The following ADGRL3 variants were observed in gnomAD, a reference collection of about 807,000 sequenced individuals.
The protein encoded by ADGRL3 is adhesion G protein-coupled receptor L3.
Under a neutral mutation model 153.5 loss-of-function variants are expected in ADGRL3, and 62 were observed. The observed-to-expected ratio is 0.40, with a 90% confidence interval of 0.33 to 0.50. ADGRL3 has a LOEUF of 0.50. ADGRL3 is among the 20% of genes least tolerant of loss of function. ADGRL3 has a pLI of 0.47. For synonymous variants in ADGRL3, 710 were observed against 672.5 expected, an observed-to-expected ratio of 1.06 and a Z score of -0.86; for missense variants, 1,641 against 1,859.4, an observed-to-expected ratio of 0.88 and a Z score of 2.16.
chr4:61,456,388 T>G (rs1268344634), intron 2 of ADGRL3, among the ~76,000 whole-genome samples: 4,871 of 112,132 alleles, frequency 0.043, 379 homozygotes, highest in Non-Finnish European at 0.07. Context: ...TATATATATA[T>G]AGATATATCT....
intron 8 of ADGRL3, among the ~76,000 whole-genome samples, chr4:61,804,340 A>C (rs1275647806): frequency 6.6e-6 from 1 of 152,130 alleles, no homozygotes; most frequent in Non-Finnish European, 1.5e-5. Context: ...CATCCTCCTG[A>C]CAGATCCTCT....
intron 2 of ADGRL3, among the ~76,000 whole-genome samples, chr4:61,430,789 A>C (rs2097347197): frequency 6.6e-6 from 1 of 152,178 alleles, no homozygotes; most frequent in Non-Finnish European, 1.5e-5. Context: ...ACTATGTAGA[A>C]TTAAATTTTT....
chr4:61,648,208 A>G (rs1295346880), intron 5 of ADGRL3, among the ~76,000 whole-genome samples: 2 of 152,108 alleles, frequency 1.3e-5, no homozygotes, highest in African/African-American at 2.4e-5. Context: ...AATAAGCTGT[A>G]TGCTATTTGA....
At chr4:61,743,231 A>G (rs2096605194) in intron 8 of ADGRL3, among the ~76,000 whole-genome samples, 1 of 151,058 alleles carries the variant, frequency 6.6e-6, no homozygotes, top group Non-Finnish European at 1.5e-5. Flanking sequence ...GTGGCAGGAG[A>G]ATGGTGTGAA....
intron 5 of ADGRL3, among the ~76,000 whole-genome samples, chr4:61,596,541 T>C (rs184360336): frequency 1.4e-4 from 22 of 152,312 alleles, no homozygotes; most frequent in African/African-American, 5.1e-4. Context: ...AAACATATTA[T>C]GAAATTTGCC....
chr4:61,470,846 C>G (rs533046435), intron 2 of ADGRL3, among the ~76,000 whole-genome samples: 1 of 151,422 alleles, frequency 6.6e-6, no homozygotes, highest in Admixed American at 6.6e-5. Flanking sequence ...ATTTACCACC[C>G]GAAGGAATTT....
intron 17 of ADGRL3, among the ~76,000 whole-genome samples, chr4:61,953,879 A>C (rs1470482071): frequency 6.6e-6 from 1 of 152,184 alleles, no homozygotes; most frequent in Non-Finnish European, 1.5e-5. Flanking sequence ...CCTTGGGTAC[A>C]CTACTCCTTA....
chr4:61,572,161 A>C (rs2098841695), intron 4 of ADGRL3, among the ~76,000 whole-genome samples: 1 of 152,144 alleles, frequency 6.6e-6, no homozygotes, highest in Non-Finnish European at 1.5e-5. Context: ...TTGCTGTAAT[A>C]GATTTATATT....
At chr4:61,218,676 CAGAAAAAAT>C (rs1478076003) in intron 1 of ADGRL3, among the ~76,000 whole-genome samples, 1 of 151,942 alleles carries the variant, frequency 6.6e-6, no homozygotes, top group Non-Finnish European at 1.5e-5. Context: ...AAAGATTAAA[CAGAAAAAAT>C]ACTGCATTTT....
At position 61,432,624 on chromosome 4, in the gene ADGRL3, TTCTTTCTTTCTTTCTTTCTTTCTTTC is replaced by T; in HGVS notation, c.-174+49437_-174+49462del. 2.4e-5 allele frequency among the ~76,000 whole-genome samples: 2 copies of T among 82,930 alleles called. 1 individual carries two copies. The highest frequency in any genetic ancestry group is 4.7e-4 in the East Asian group (2 of 4,220). The allele number at this position is 82,930 out of a possible 152,430, so 54.4% of individuals were successfully genotyped here. A position where few individuals can be genotyped will look rare whatever the true frequency, so the allele number is the denominator to read the frequency against. Reference sequence around the variant, plus strand: ...TTTCTTTCTTTCTTTCTTTCTTTCTTTCTTTCTTTCTTTCTTTCTTTCTTTCTTTCTTTTTTTTTTTTTTTTGAGAC... The same window carrying T: ...TTTCTTTCTTTCTTTCTTTCTTTCTTTTTCTTTTTTTTTTTTTTTTGAGAC... On this transcript the variant is annotated intron_variant, in intron 2 of 26. Transcript: ENST00000683033.
At chr4:62,057,132 T>C (rs767052217) in intron 25 of ADGRL3, among the ~76,000 whole-genome samples, 5 of 152,160 alleles carry the variant, frequency 3.3e-5, no homozygotes, top group African/African-American at 1.2e-4. Flanking sequence ...GTTTGAATTA[T>C]GTTTCTGAAT....
chr4:61,381,530 T>C (rs965313136), intron 1 of ADGRL3, among the ~76,000 whole-genome samples: 5 of 151,946 alleles, frequency 3.3e-5, no homozygotes, highest in African/African-American at 1.2e-4. Flanking sequence ...GAAGATAAGA[T>C]TGGTTTTATC....
intron 2 of ADGRL3, among the ~76,000 whole-genome samples, chr4:61,438,950 G>T (rs531817012): frequency 1.3e-5 from 2 of 151,820 alleles, no homozygotes; most frequent in South Asian, 4.2e-4. Flanking sequence ...CTCATGATCC[G>T]CCCACCTCTG....
At chr4:61,926,499 TC>T (rs1252316381) in intron 13 of ADGRL3, among the ~76,000 whole-genome samples, 15 of 152,300 alleles carry the variant, frequency 9.8e-5, no homozygotes, top group Admixed American at 6.5e-4. Flanking sequence ...TCTCTGCTTT[TC>T]TTTTTCTCCA....
rs779556822 is a variant in ADGRL3 at position 62,044,599 on chromosome 4, A to T, written c.3814+50A>T. 1.2e-5 allele frequency: 15 copies of T among 1,231,966 alleles called. No individual in the cohort carries two copies. The South Asian group carries it at 2.0e-4, about 17-fold the overall frequency. The allele number at this position is 1,231,966 out of a possible 1,614,324, so 76.3% of individuals were successfully genotyped here. A position where few individuals can be genotyped will look rare whatever the true frequency, so the allele number is the denominator to read the frequency against. On this transcript the variant is annotated intron_variant, in intron 25 of 26. Transcript: ENST00000683033. Reference sequence around the variant, plus strand: ...TTATTACTTTTCTGATTACTTTAAGAAGTCCTTAAATTCATTGCTTTATTT... The same window carrying T: ...TTATTACTTTTCTGATTACTTTAAGTAGTCCTTAAATTCATTGCTTTATTT...
chr4:61,391,101 G>A lies in ADGRL3; in HGVS notation c.-174+7912G>A, dbSNP rs1307479931. Among the ~76,000 whole-genome samples, 3 of 152,046 alleles carry A rather than the reference G, an allele frequency of 2.0e-5. No homozygotes were observed. In the East Asian group the frequency reaches 5.8e-4, roughly 29 times the overall value. On this transcript the variant is annotated intron_variant, in intron 2 of 26. Coordinates refer to ENST00000683033, the MANE Select transcript of ADGRL3 (RefSeq NM_001387552.1). Reference sequence around the variant, plus strand: ...ATAATAAAGATTGTGTTAGTTCATTGGTACGCCTATAAAATACTGCTAGTA... The same window carrying A: ...ATAATAAAGATTGTGTTAGTTCATTAGTACGCCTATAAAATACTGCTAGTA...
At position 61,202,331 on chromosome 4, in the gene ADGRL3, C is replaced by T. The variant is rs1327247329; in HGVS notation, c.-240+566C>T. 2 of 152,592 alleles carry T rather than the reference C, an allele frequency of 1.3e-5. No individual in the cohort carries two copies. The highest frequency in any genetic ancestry group is 4.8e-5 in the African/African-American group (2 of 41,466). 9.5% of individuals were successfully genotyped at this position (152,592 alleles called of 1,614,324 possible). A position where few individuals can be genotyped will look rare whatever the true frequency, so the allele number is the denominator to read the frequency against. On this transcript the variant is annotated intron_variant, in intron 1 of 26. Transcript: ENST00000683033. This position sits in a 1 kb window ranked among gnomAD's most constrained non-coding sequence, Gnocchi z 5.0. The stretch of plus-strand genomic sequence containing the variant: ...TGGAGCATCCCTGGCCCCTTTTGCC[C>T]AGGTCGCGCCCCTGAGTCTTGGAGT...
rs376798655 is a variant in ADGRL3 at position 61,890,233 on chromosome 4, G to A, written c.1481-2423G>A. Reference sequence around the variant, plus strand: ...AGTCCCTGTCAAAAAATTAAAAGTTGCTCAAAACGGTCCCTTCAGAAGTAC... The same window carrying A: ...AGTCCCTGTCAAAAAATTAAAAGTTACTCAAAACGGTCCCTTCAGAAGTAC... On this transcript the variant is annotated intron_variant, in intron 9 of 26. Coordinates refer to ENST00000683033, the MANE Select transcript of ADGRL3 (RefSeq NM_001387552.1). 2.6e-5 allele frequency among the ~76,000 whole-genome samples: 4 copies of A among 152,236 alleles called. 1 individual carries two copies. Among genetic ancestry groups the A allele is most frequent in the African/African-American group, 9.6e-5 (4 of 41,556 alleles).
chr4:61,509,336 C>T lies in ADGRL3; in HGVS notation c.56-7979C>T, dbSNP rs7659057. 3.8e-3 allele frequency among the ~76,000 whole-genome samples: 571 copies of T among 152,114 alleles called. 4 individuals are homozygous for T. Among genetic ancestry groups the T allele is most frequent in the African/African-American group, 0.013 (539 of 41,526 alleles). Reference sequence around the variant, plus strand: ...AGAGACAGGGTCTTGCCATGTTGGCCAGGCTGGTCTTGAACTCCTGACCTC... The same window carrying T: ...AGAGACAGGGTCTTGCCATGTTGGCTAGGCTGGTCTTGAACTCCTGACCTC... On this transcript the variant is annotated intron_variant, in intron 3 of 26. Transcript: ENST00000683033.
Sources: gnomAD v4.1 joint callset for allele counts (sites outside exome capture counted in the v4.1 genomes callset) on GRCh38, gnomAD v4.1.1 for gene constraint, Gnocchi (gnomAD v3.1) non-coding constraint, MANE v1.5 for transcripts, NCBI Gene and HGNC (gene_info 2026-07-23, HGNC 2026-07-21) for gene names.